SCN10A: variants seen among roughly 807,000 people sequenced by gnomAD.
SCN10A encodes sodium channel protein type 10 subunit alpha.
In SCN10A, 162 loss-of-function variants were observed where a neutral mutation model predicts 170.7. The ratio of observed to expected loss-of-function variants is 0.95; its 90% confidence interval spans 0.84 to 1.08. SCN10A has a LOEUF of 1.08. Among genes scored for constraint, SCN10A ranks in the 50% least tolerant of loss-of-function variants. SCN10A has a pLI of 0.00. For synonymous variants in SCN10A, 985 were observed against 904.6 expected, an observed-to-expected ratio of 1.09 and a Z score of -1.59; for missense variants, 2,527 against 2,436.9, an observed-to-expected ratio of 1.04 and a Z score of -0.78.
intron 5 of SCN10A, among the ~76,000 whole-genome samples, chr3:38,771,035 C>A (rs2063993250): frequency 6.6e-6 from 1 of 152,192 alleles, no homozygotes; most frequent in African/African-American, 2.4e-5. Context: ...CCCCCTCACA[C>A]TTTGGGAGCT....
chr3:38,809,065 T>C (rs1298213739), intron 1 of SCN10A, among the ~76,000 whole-genome samples: 2 of 152,244 alleles, frequency 1.3e-5, no homozygotes, highest in Non-Finnish European at 2.9e-5. Flanking sequence ...AATAATGTTA[T>C]GGCTCTGATT....
chr3:38,731,507 T>A (rs2063512970), intron 15 of SCN10A, among the ~76,000 whole-genome samples: 1 of 152,224 alleles, frequency 6.6e-6, no homozygotes, highest in South Asian at 2.1e-4. Context: ...TCAAACTGTG[T>A]TCCAAAGAGT....
At chr3:38,803,957 C>T (rs183448423) in intron 1 of SCN10A, among the ~76,000 whole-genome samples, 21 of 152,272 alleles carry the variant, frequency 1.4e-4, no homozygotes, top group African/African-American at 4.6e-4. Context: ...TCCATTGCTG[C>T]TGCCACAGTC....
chr3:38,785,105 C>T (rs2064182316), intron 4 of SCN10A, among the ~76,000 whole-genome samples: 1 of 152,176 alleles, frequency 6.6e-6, no homozygotes, highest in African/African-American at 2.4e-5. Context: ...CTACCACTGA[C>T]TTTCTTCACA....
chr3:38,738,628 A>G (rs2063596194), intron 15 of SCN10A, among the ~76,000 whole-genome samples: 1 of 152,146 alleles, frequency 6.6e-6, no homozygotes, highest in African/African-American at 2.4e-5. Flanking sequence ...CTCCCAGTTA[A>G]TACTGAGAGA....
intron 1 of SCN10A, among the ~76,000 whole-genome samples, chr3:38,812,026 T>A (rs2064444492): frequency 6.6e-6 from 1 of 152,220 alleles, no homozygotes; most frequent in African/African-American, 2.4e-5. Flanking sequence ...TGATCCATGG[T>A]GACTGCCAAT....
chr3:38,779,319 A>G (rs1173634636), intron 4 of SCN10A, among the ~76,000 whole-genome samples: 1 of 152,080 alleles, frequency 6.6e-6, no homozygotes, highest in Non-Finnish European at 1.5e-5. Context: ...TGGGGATGTC[A>G]TTGAATTTAT....
In SCN10A at chr3:38,756,763, C is replaced by T. The variant is rs1256859821; in HGVS notation, c.1201G>A (p.Glu401Lys). 6.2e-7 allele frequency: 1 copy of T among 1,614,190 alleles called. No homozygotes were observed. The highest frequency in any genetic ancestry group is 1.7e-5 in the Admixed American group (1 of 60,028). ...LILAVVTMAY[E>K]EQNQATTDEI... ...TCAGTGGTTGCCTGGTTCTGCTCCT[C>T]ATACGCCATGGTGACTACAGCCAAG... The change falls in exon 10 of 28, where the codon GAG becomes AAG. Residue 401 changes from glutamate (E) to lysine (K), a missense_variant. Physicochemically the swap from Glu to Lys is moderately conservative, Grantham distance 56. Coordinates refer to ENST00000449082, the MANE Select transcript of SCN10A (RefSeq NM_006514.4).
At chr3:38,728,495 T>C (rs756440425) in intron 16 of SCN10A, 47 bp downstream of exon 16, 2 of 1,506,824 alleles carry the variant, frequency 1.3e-6, no homozygotes, top group African/African-American at 1.4e-5. Context: ...CCAGAAGCCT[T>C]CTCCTTTCCC....
chr3:38,720,060 G>A (rs1218036255), intron 20 of SCN10A, among the ~76,000 whole-genome samples: 7 of 152,246 alleles, frequency 4.6e-5, no homozygotes. Context: ...AGGTGGGACA[G>A]CTCTTTGGTG....
rs750374458 is a variant in SCN10A, at chr3:38,755,859, G to A, written c.1390C>T (p.Pro464Ser). Residue 464 changes from proline to serine, a missense_variant, in exon 11 of 28, where the codon CCA becomes TCA. Transcript: ENST00000449082. ...NASERRHRIK[P>S]RVSEGSTEDN... Reference sequence around the variant, plus strand: ...TCTGTGGAGCCCTCTGACACTCTTGGCTTTATTCTATGCCTTCTCTCACTG... The same window carrying A: ...TCTGTGGAGCCCTCTGACACTCTTGACTTTATTCTATGCCTTCTCTCACTG... 6 of 1,614,142 alleles carry A rather than the reference G, an allele frequency of 3.7e-6. No homozygotes were observed. Among genetic ancestry groups the A allele is most frequent in the East Asian group, 4.5e-5 (2 of 44,886 alleles).
chr3:38,762,783 C>G (rs921588354), intron 6 of SCN10A, among the ~76,000 whole-genome samples: 8 of 152,186 alleles, frequency 5.3e-5, no homozygotes, highest in African/African-American at 1.9e-4. Context: ...GAAAAGACTT[C>G]CACTCTAGAA....
rs186301583 is a variant in SCN10A at position 38,722,734 on chromosome 3, G to A, written c.3353-322C>T. 2.8e-4 allele frequency among the ~76,000 whole-genome samples: 43 copies of A among 152,300 alleles called. No individual in the cohort carries two copies. In the East Asian group the frequency reaches 7.9e-3, roughly 28 times the overall value. On this transcript the variant is annotated intron_variant, in intron 19 of 27. Coordinates refer to ENST00000449082, the MANE Select transcript of SCN10A (RefSeq NM_006514.4). ...ACAAGCTACGGCGTATGAGCCTGGGGGTGCCTGAGGGGGATATGCTCCAAG... is the reference window on the plus strand; with the variant it reads ...ACAAGCTACGGCGTATGAGCCTGGGAGTGCCTGAGGGGGATATGCTCCAAG...
At chr3:38,771,438 CTG>C (rs781086455) in intron 4 of SCN10A, 31 bp from the exon 5 acceptor site, 2 of 1,610,922 alleles carry the variant, frequency 1.2e-6, no homozygotes, top group Non-Finnish European at 1.7e-6. Flanking sequence ...GGAGTGTCAA[CTG>C]TGCCATGGAG....
intron 21 of SCN10A, among the ~76,000 whole-genome samples, chr3:38,716,570 T>C (rs1354104493): frequency 6.6e-6 from 1 of 152,178 alleles, no homozygotes; most frequent in Non-Finnish European, 1.5e-5. Flanking sequence ...CAGTCTTAGG[T>C]ATGTCTTTAT....
At chr3:38,801,995 C>T (rs1485168267) in intron 1 of SCN10A, among the ~76,000 whole-genome samples, 1 of 152,154 alleles carries the variant, frequency 6.6e-6, no homozygotes, top group Non-Finnish European at 1.5e-5. Context: ...TCCATGATCT[C>T]ATCATCTTCC....
rs2063098800 is a variant in SCN10A, at chr3:38,697,300, A to G, written c.*49T>C. On this transcript the variant is annotated 3_prime_UTR_variant, in exon 28 of 28. Transcript: ENST00000449082. ...CTGCAATGGGAAAGAGTTAACACAG[A>G]GCAGAAGGACGCATCATAACTGAAC... 3 of 1,593,232 alleles carry G rather than the reference A, an allele frequency of 1.9e-6. No individual in the cohort carries two copies. Among genetic ancestry groups the G allele is most frequent in the Non-Finnish European group, 2.6e-6 (3 of 1,168,340 alleles).
intron 1 of SCN10A, 80 bp from the exon 2 acceptor site, chr3:38,794,122 G>C (rs2064321795): frequency 2.0e-6 from 2 of 1,002,858 alleles, no homozygotes; most frequent in African/African-American, 1.6e-5. Flanking sequence ...CATCTTGATT[G>C]TCAGAACAGC....
chr3:38,789,111 A>G, intron 3 of SCN10A, 75 bp from the exon 4 acceptor site: 3 of 837,312 alleles, frequency 3.6e-6, no homozygotes, highest in Non-Finnish European at 6.2e-6. Flanking sequence ...CTTGATGCTG[A>G]ATGATTACAT....
Sources: allele counts gnomAD v4.1 joint callset (sites outside exome capture counted in the v4.1 genomes callset), GRCh38; gene constraint gnomAD v4.1.1; transcripts MANE v1.5; gene names NCBI Gene and HGNC (gene_info 2026-07-23, HGNC 2026-07-21).